Variants in MCC observed in about 807,000 individuals in gnomAD.
MCC encodes the protein colorectal mutant cancer protein.
MCC carries 90 observed loss-of-function variants against 116.2 expected under a neutral mutation model. The ratio of observed to expected loss-of-function variants is 0.77; its 90% CI spans 0.65 to 0.92. The LOEUF is 0.92. MCC is among the 40% of genes least tolerant of loss of function. The pLI, the probability that MCC is intolerant of heterozygous loss-of-function variation, is 0.00. For synonymous variants in MCC, 578 were observed against 510.5 expected, an observed-to-expected ratio of 1.13 and a Z score of -1.78; for missense variants, 1,516 against 1,312.2, an observed-to-expected ratio of 1.16 and a Z score of -2.40.
At chr5:113,132,395 TATAC>T (rs1357521287) in intron 5 of MCC, among the ~76,000 whole-genome samples, 10 of 144,626 alleles carry the variant, frequency 6.9e-5, no homozygotes, top group Admixed American at 4.2e-4. Flanking sequence ...TACATATATA[TATAC>T]ATACATACAT....
intron 1 of MCC, among the ~76,000 whole-genome samples, chr5:113,442,733 CA>C (rs1771078977): frequency 6.6e-6 from 1 of 152,294 alleles, no homozygotes; most frequent in East Asian, 1.9e-4. Flanking sequence ...CCAGTTTTCC[CA>C]GCACCATTTA....
intron 3 of MCC, among the ~76,000 whole-genome samples, chr5:113,291,805 G>A (rs1766505339): frequency 6.6e-6 from 1 of 152,198 alleles, no homozygotes. Context: ...AAGATCTAAT[G>A]TGAGGAATAC....
chr5:113,196,588 C>T (rs182911927), intron 3 of MCC, among the ~76,000 whole-genome samples: 41 of 152,300 alleles, frequency 2.7e-4, no homozygotes, highest in African/African-American at 8.9e-4. Flanking sequence ...CAGTGGCTCA[C>T]GCCTATAATC....
chr5:113,197,311 G>C (rs1285989461), intron 3 of MCC, among the ~76,000 whole-genome samples: 2 of 152,098 alleles, frequency 1.3e-5, no homozygotes, highest in Non-Finnish European at 2.9e-5. Flanking sequence ...AGAGGAGATA[G>C]GTGACTGCTT....
At chr5:113,258,229 A>G (rs1480765259) in intron 3 of MCC, among the ~76,000 whole-genome samples, 2 of 152,254 alleles carry the variant, frequency 1.3e-5, no homozygotes, top group Non-Finnish European at 2.9e-5. Flanking sequence ...AATAACATTA[A>G]TATAACATGT....
chr5:113,048,838 A>G (rs1302548963), intron 16 of MCC: 1 of 570,512 alleles, frequency 1.8e-6, no homozygotes, highest in Non-Finnish European at 3.1e-6. Context: ...AACTGCAGAG[A>G]TCACCCCTCT....
At chr5:113,386,798 C>T (rs1381813209) in intron 1 of MCC, among the ~76,000 whole-genome samples, 1 of 126,900 alleles carries the variant, frequency 7.9e-6, no homozygotes, top group African/African-American at 3.5e-5. Flanking sequence ...TGTATACACA[C>T]ATACACATAT....
At chr5:113,238,275 G>GT (rs199649212) in intron 3 of MCC, among the ~76,000 whole-genome samples, 2,097 of 151,902 alleles carry the variant, frequency 0.014, 46 homozygotes, top group African/African-American at 0.044. Flanking sequence ...ATTTTTTCCT[G>GT]TTTTTTTTAA....
chr5:113,412,360 G>A (rs1272552876), intron 1 of MCC, among the ~76,000 whole-genome samples: 6 of 152,110 alleles, frequency 3.9e-5, no homozygotes, highest in African/African-American at 1.4e-4. Flanking sequence ...AATTACCTTG[G>A]GCAGTATGGT....
At chr5:113,038,782 T>G (rs1751489900) in intron 17 of MCC, among the ~76,000 whole-genome samples, 1 of 152,146 alleles carries the variant, frequency 6.6e-6, no homozygotes, top group Non-Finnish European at 1.5e-5. Flanking sequence ...CAGTGGCAGC[T>G]TGCCTACTTC....
At chr5:113,389,549 T>C (rs1036813028) in intron 1 of MCC, among the ~76,000 whole-genome samples, 1 of 152,176 alleles carries the variant, frequency 6.6e-6, no homozygotes, top group Non-Finnish European at 1.5e-5. Flanking sequence ...AGTCATTTGG[T>C]GATTATTTAC....
chr5:113,085,927 C>A (rs143051976), intron 8 of MCC, among the ~76,000 whole-genome samples: 184 of 152,282 alleles, frequency 1.2e-3, no homozygotes, highest in African/African-American at 4.3e-3. Flanking sequence ...TGCACTCAAG[C>A]GATTCTCCCA....
chr5:113,258,245 T>C (rs1481769575), intron 3 of MCC, among the ~76,000 whole-genome samples: 2 of 152,238 alleles, frequency 1.3e-5, no homozygotes, highest in Non-Finnish European at 2.9e-5. Context: ...CATGTGCTTA[T>C]GTGTATACTG....
chr5:113,188,584 T>C (rs1161848783), intron 3 of MCC, among the ~76,000 whole-genome samples: 1 of 152,192 alleles, frequency 6.6e-6, no homozygotes, highest in Non-Finnish European at 1.5e-5. Context: ...GGGAAAATCA[T>C]GGTTGAGGGC....
At chr5:113,339,319 A>T (rs1007655595) in intron 3 of MCC, among the ~76,000 whole-genome samples, 2 of 152,090 alleles carry the variant, frequency 1.3e-5, no homozygotes, top group African/African-American at 2.4e-5. Flanking sequence ...ACTTATTAAC[A>T]TCTTACATTA....
chr5:113,187,135 C>T (rs188560604), intron 3 of MCC, among the ~76,000 whole-genome samples: 1 of 152,262 alleles, frequency 6.6e-6, no homozygotes, highest in African/African-American at 2.4e-5. Flanking sequence ...TATAGTTTAT[C>T]CTCCACTCCT....
At chr5:113,079,371 C>A (rs901953716) in intron 11 of MCC, among the ~76,000 whole-genome samples, 1 of 152,184 alleles carries the variant, frequency 6.6e-6, no homozygotes, top group Non-Finnish European at 1.5e-5. Flanking sequence ...GCCAAAAGAA[C>A]AAAGCTGGAG....
At chr5:113,132,387 C>CAT (rs112148771) in intron 5 of MCC, among the ~76,000 whole-genome samples, 35 of 136,958 alleles carry the variant, frequency 2.6e-4, no homozygotes, top group African/African-American at 7.6e-4. Context: ...TATATACATA[C>CAT]ATATATATAT....
chr5:113,356,977 A>C (rs1768429997), intron 2 of MCC, among the ~76,000 whole-genome samples: 1 of 152,216 alleles, frequency 6.6e-6, no homozygotes, highest in African/African-American at 2.4e-5. Flanking sequence ...CTTTCAGCTT[A>C]ATTTCATAGA....
Sources: gnomAD v4.1 joint callset for allele counts (sites outside exome capture counted in the v4.1 genomes callset) on GRCh38, gnomAD v4.1.1 for gene constraint, MANE v1.5 for transcripts, NCBI Gene and HGNC (gene_info 2026-07-23, HGNC 2026-07-21) for gene names.